The following TMPRSS15 variants were observed in gnomAD, a reference collection of about 807,000 sequenced individuals.
The protein encoded by TMPRSS15 is enteropeptidase.
Under a neutral mutation model 125.3 loss-of-function variants are expected in TMPRSS15, and 128 were observed. The observed-to-expected ratio is 1.02, with a 90% confidence interval of 0.89 to 1.18. The LOEUF is 1.18. TMPRSS15 is among the 50% of genes most tolerant of loss of function. TMPRSS15 has a pLI of 0.00. For synonymous variants in TMPRSS15, 446 were observed against 423.2 expected, an observed-to-expected ratio of 1.05 and a Z score of -0.66; for missense variants, 1,283 against 1,212.7, an observed-to-expected ratio of 1.06 and a Z score of -0.86.
At chr21:18,401,799 TC>T in intron 1 of TMPRSS15, among the ~76,000 whole-genome samples, 1 of 152,354 alleles carries the variant, frequency 6.6e-6, no homozygotes, top group Admixed American at 6.5e-5. Flanking sequence ...AAGCATTAAC[TC>T]GAATCCCTTT....
At chr21:18,327,910 G>T (rs563888828) in intron 15 of TMPRSS15, among the ~76,000 whole-genome samples, 30 of 152,010 alleles carry the variant, frequency 2.0e-4, no homozygotes, top group African/African-American at 7.0e-4. Flanking sequence ...AAAATTAGCC[G>T]GGCGAGGTGG....
At chr21:18,329,019 G>A (rs923349551) in intron 15 of TMPRSS15, 150 bp downstream of exon 15, 1 of 818,676 alleles carries the variant, frequency 1.2e-6, no homozygotes, top group South Asian at 1.6e-5. Flanking sequence ...ACCCTATATT[G>A]TAAGTTCCAC....
At chr21:18,289,394 C>T (rs1414757552) in intron 21 of TMPRSS15, among the ~76,000 whole-genome samples, 1 of 152,128 alleles carries the variant, frequency 6.6e-6, no homozygotes, top group Non-Finnish European at 1.5e-5. Flanking sequence ...TGCCTGTAAT[C>T]CCAGCTACTC....
At chr21:18,440,379 A>AAAAAAAAAAAAAG in intron 1 of TMPRSS15, among the ~76,000 whole-genome samples, 1 of 137,492 alleles carries the variant, frequency 7.3e-6, no homozygotes, top group Non-Finnish European at 1.6e-5. Context: ...TCTCAAAAAA[A>AAAAAAAAAAAAAG]AAAAAAAAAA....
At chr21:18,315,397 G>C in intron 16 of TMPRSS15, 141 bp from the exon 17 acceptor site, 3 of 677,664 alleles carry the variant, frequency 4.4e-6, no homozygotes, top group East Asian at 5.5e-5. Flanking sequence ...CTGAGTAAAT[G>C]AGAGTTAATG....
chr21:18,382,512 A>G (rs537386610), intron 4 of TMPRSS15, among the ~76,000 whole-genome samples: 1 of 152,328 alleles, frequency 6.6e-6, no homozygotes, highest in Admixed American at 6.5e-5. Flanking sequence ...CTACAATCTC[A>G]TATCTACTAT....
chr21:18,481,632 C>T (rs535236788), intron 1 of TMPRSS15, among the ~76,000 whole-genome samples: 1 of 151,578 alleles, frequency 6.6e-6, no homozygotes, highest in East Asian at 1.9e-4. Flanking sequence ...ACAAAAAATC[C>T]AAGTCCTAAT....
chr21:18,278,639 G>A (rs886096700), intron 23 of TMPRSS15, among the ~76,000 whole-genome samples: 4 of 152,184 alleles, frequency 2.6e-5, no homozygotes, highest in Non-Finnish European at 5.9e-5. Context: ...GGAGAATGGC[G>A]TGAACCCGGG....
At chr21:18,304,091 G>A (rs1383284495) in intron 18 of TMPRSS15, among the ~76,000 whole-genome samples, 1 of 152,128 alleles carries the variant, frequency 6.6e-6, no homozygotes. Flanking sequence ...TCTGATGCAG[G>A]TTTTAAAAAA....
At position 18,280,594 on chromosome 21, in the gene TMPRSS15, AAC is replaced by A. The variant is rs1555890699; in HGVS notation, c.2668+444_2668+445del. Among the ~76,000 whole-genome samples, 145 of 125,728 alleles carry A rather than the reference AAC, an allele frequency of 1.2e-3. 1 individual carries two copies. The highest frequency in any genetic ancestry group is 2.0e-3 in the Admixed American group (26 of 13,024). The allele number at this position is 125,728 out of a possible 152,430, so 82.5% of individuals were successfully genotyped here. A position where few individuals can be genotyped will look rare whatever the true frequency, so the allele number is the denominator to read the frequency against. The stretch of plus-strand genomic sequence containing the variant: ...CCGTCTCAAAAAAAAAAAAAAAAAA[AAC>A]AACAAAACAACAAAAAACCAAACTT... On this transcript the variant is annotated intron_variant, in intron 22 of 24. Transcript: ENST00000284885.
At chr21:18,465,901 G>GA (rs1223272695) in intron 1 of TMPRSS15, among the ~76,000 whole-genome samples, 3 of 152,158 alleles carry the variant, frequency 2.0e-5, no homozygotes, top group African/African-American at 7.2e-5. Context: ...CACAGAATTA[G>GA]AAAAAACTAT....
At chr21:18,297,080 A>C (rs1175218538) in intron 19 of TMPRSS15, among the ~76,000 whole-genome samples, 2 of 152,230 alleles carry the variant, frequency 1.3e-5, no homozygotes, top group Non-Finnish European at 2.9e-5. Flanking sequence ...TGTAAAATTC[A>C]GAAGCCAATT....
Position 18,429,211 on chromosome 21 carries a change from C to T in TMPRSS15, c.11-30882G>A, listed in dbSNP as rs533411608. ...TGGCTGTGTTAACTCAATACCTGTA[C>T]CCCCAGTGTATCTAGGCTTTTGATT... On this transcript the variant is annotated intron_variant, in intron 1 of 7. Coordinates refer to the TMPRSS15 transcript ENST00000422787. Among the ~76,000 whole-genome samples the T allele has an allele frequency of 3.3e-5, 5 of 152,278 alleles. No homozygotes were observed. The South Asian group carries it at 6.2e-4, about 19-fold the overall frequency.
At chr21:18,380,877 A>G (rs2075887028) in intron 4 of TMPRSS15, among the ~76,000 whole-genome samples, 1 of 152,154 alleles carries the variant, frequency 6.6e-6, no homozygotes, top group African/African-American at 2.4e-5. Context: ...AATAATTTAC[A>G]TTTGAGCCAA....
intron 5 of TMPRSS15, among the ~76,000 whole-genome samples, chr21:18,376,889 A>T (rs561286394): frequency 6.6e-6 from 1 of 152,302 alleles, no homozygotes; most frequent in Admixed American, 6.5e-5. Flanking sequence ...TCTTTGGCAG[A>T]ATTTATAACG....
At chr21:18,318,676 C>T (rs1198239245) in intron 16 of TMPRSS15, among the ~76,000 whole-genome samples, 5 of 151,944 alleles carry the variant, frequency 3.3e-5, no homozygotes, top group African/African-American at 1.2e-4. Flanking sequence ...GATTTAACAC[C>T]GGAAGTAACT....
chr21:18,319,699 G>T (rs2075214344), intron 16 of TMPRSS15, among the ~76,000 whole-genome samples: 1 of 152,186 alleles, frequency 6.6e-6, no homozygotes, highest in East Asian at 1.9e-4. Flanking sequence ...AAAGTGCTGG[G>T]ATTACAGGCG....
chr21:18,448,304 A>G (rs993173050), intron 1 of TMPRSS15, among the ~76,000 whole-genome samples: 1 of 152,188 alleles, frequency 6.6e-6, no homozygotes, highest in African/African-American at 2.4e-5. Context: ...ACAAATCAAT[A>G]CAATTTACTA....
At chr21:18,420,221 G>C (rs769809234) in intron 1 of TMPRSS15, among the ~76,000 whole-genome samples, 2 of 152,172 alleles carry the variant, frequency 1.3e-5, no homozygotes, top group Non-Finnish European at 2.9e-5. Context: ...TGCAATGAAT[G>C]GTTTGGATGA....
Sources: gnomAD v4.1 joint callset for allele counts (sites outside exome capture counted in the v4.1 genomes callset) on GRCh38, gnomAD v4.1.1 for gene constraint, MANE v1.5 for transcripts, NCBI Gene and HGNC (gene_info 2026-07-23, HGNC 2026-07-21) for gene names.